ADAMTS12: variants seen among roughly 807,000 people sequenced by gnomAD.
ADAMTS12 encodes A disintegrin and metalloproteinase with thrombospondin motifs 12.
A neutral mutation model predicts 167.8 loss-of-function variants in ADAMTS12; 118 were observed. The ratio of observed to expected loss-of-function variants is 0.70; its 90% confidence interval spans 0.61 to 0.82. The LOEUF (loss-of-function observed/expected upper bound fraction) is 0.82, where lower values mean the gene tolerates loss of function less well. Ranked by LOEUF, ADAMTS12 falls within the 40% of genes least tolerant of loss-of-function variation. The pLI is 0.00. For missense variants in ADAMTS12, 1,916 were observed against 1,998.8 expected (o/e 0.96, Z 0.79); for synonymous variants, 704 against 716.9 (o/e 0.98, Z 0.29).
intron 23 of ADAMTS12, among the ~76,000 whole-genome samples, chr5:33,528,471 G>A (rs1743927367): frequency 6.6e-6 from 1 of 152,250 alleles, no homozygotes; most frequent in African/African-American, 2.4e-5. Context: ...AAACCCGAGT[G>A]TCGGGGTGCT....
At chr5:33,599,550 C>A (rs904977175) in intron 16 of ADAMTS12, among the ~76,000 whole-genome samples, 1 of 152,162 alleles carries the variant, frequency 6.6e-6, no homozygotes, top group Admixed American at 6.5e-5. Flanking sequence ...CCCCTTAATT[C>A]TTTAGGCCTA....
intron 5 of ADAMTS12, among the ~76,000 whole-genome samples, chr5:33,671,674 A>G (rs1181435699): frequency 1.3e-5 from 2 of 152,066 alleles, no homozygotes; most frequent in Admixed American, 6.6e-5. Flanking sequence ...GATGAGTTAC[A>G]GTGGGTAGGA....
intron 21 of ADAMTS12, among the ~76,000 whole-genome samples, chr5:33,546,576 G>A (rs990700936): frequency 1.5e-4 from 23 of 152,164 alleles, no homozygotes; most frequent in African/African-American, 4.8e-4. Context: ...ATTAAAATGA[G>A]ATTTAGTCTT....
Position 33,641,790 on chromosome 5 carries a change from A to G in ADAMTS12, c.1718+20T>C, listed in dbSNP as rs1740455917. 1 of 1,578,256 alleles carries G rather than the reference A, an allele frequency of 6.3e-7. No individual in the cohort carries two copies. Among genetic ancestry groups the G allele is most frequent in the Admixed American group, 1.7e-5 (1 of 58,172 alleles). The stretch of plus-strand genomic sequence containing the variant: ...CCCAGCACATGTGGAGAGAAGGGAA[A>G]TATATTTATCTGGACTCACTCGGGG... On this transcript the variant is annotated intron_variant, in intron 11 of 23. Transcript: ENST00000504830.
intron 2 of ADAMTS12, among the ~76,000 whole-genome samples, chr5:33,778,189 C>T (rs193286359): frequency 8.7e-4 from 133 of 152,134 alleles, no homozygotes; most frequent in African/African-American, 3.0e-3. Context: ...TCATATAGAA[C>T]CTCAGAAGAC....
intron 3 of ADAMTS12, among the ~76,000 whole-genome samples, chr5:33,695,864 T>A (rs4866373): frequency 6.6e-6 from 1 of 152,014 alleles, no homozygotes; most frequent in African/African-American, 2.4e-5. Flanking sequence ...GGTAAATTTT[T>A]TGTTATGTAT....
intron 5 of ADAMTS12, among the ~76,000 whole-genome samples, chr5:33,673,066 C>G (rs1015660042): frequency 6.8e-6 from 1 of 147,738 alleles, no homozygotes; most frequent in Non-Finnish European, 1.5e-5. Flanking sequence ...TTCTACTCCT[C>G]AACCTCACAA....
chr5:33,562,788 C>A (rs1001529060), intron 19 of ADAMTS12, among the ~76,000 whole-genome samples: 7 of 152,136 alleles, frequency 4.6e-5, no homozygotes, highest in African/African-American at 1.7e-4. Context: ...TGTGCCACCA[C>A]ACCTAGCTAA....
chr5:33,891,579 C>G, intron 1 of ADAMTS12, 151 bp downstream of exon 1: 1 of 1,146,196 alleles, frequency 8.7e-7, no homozygotes, highest in Non-Finnish European at 1.2e-6. Flanking sequence ...AGCCTAGGCT[C>G]CTGAGGTCCC....
At chr5:33,528,907 T>TG (rs900021765) in intron 23 of ADAMTS12, among the ~76,000 whole-genome samples, 1 of 152,030 alleles carries the variant, frequency 6.6e-6, no homozygotes, top group African/African-American at 2.4e-5. Flanking sequence ...TAGCTGGGCG[T>TG]GGTGGTGGGC....
At chr5:33,569,131 C>A (rs1179520399) in intron 19 of ADAMTS12, among the ~76,000 whole-genome samples, 1 of 152,264 alleles carries the variant, frequency 6.6e-6, no homozygotes, top group Admixed American at 6.5e-5. Flanking sequence ...CTCAAGGAGG[C>A]CTGCCTGCCT....
intron 2 of ADAMTS12, among the ~76,000 whole-genome samples, chr5:33,815,032 C>T (rs1747595210): frequency 6.6e-6 from 1 of 152,102 alleles, no homozygotes; most frequent in Non-Finnish European, 1.5e-5. Flanking sequence ...AGGTGCTGGG[C>T]TTGTCAAGGA....
chr5:33,588,522 G>C (rs1480764900), intron 18 of ADAMTS12, 77 bp downstream of exon 18: 1 of 1,558,090 alleles, frequency 6.4e-7, no homozygotes, highest in African/African-American at 1.4e-5. Context: ...GGTCACTTTG[G>C]ATTGGATAAT....
chr5:33,714,494 G>T (rs527604251), intron 3 of ADAMTS12, among the ~76,000 whole-genome samples: 1 of 151,992 alleles, frequency 6.6e-6, no homozygotes, highest in Non-Finnish European at 1.5e-5. Context: ...AGGGATGCCT[G>T]CACCCCATGT....
intron 1 of ADAMTS12, among the ~76,000 whole-genome samples, chr5:33,885,526 A>G (rs967720193): frequency 2.6e-5 from 4 of 152,244 alleles, no homozygotes; most frequent in Admixed American, 6.5e-5. Context: ...GCTTTTCCCA[A>G]TTAAAAATAA....
intron 16 of ADAMTS12, among the ~76,000 whole-genome samples, chr5:33,613,331 G>A (rs145263493): frequency 2.6e-5 from 4 of 152,308 alleles, no homozygotes; most frequent in African/African-American, 9.6e-5. Flanking sequence ...AGCAGGCCCT[G>A]ACCCCTGCCT....
At chr5:33,848,980 A>T (rs559985679) in intron 2 of ADAMTS12, among the ~76,000 whole-genome samples, 1 of 149,616 alleles carries the variant, frequency 6.7e-6, no homozygotes, top group African/African-American at 2.5e-5. Context: ...ATTGCATAGC[A>T]ATATATATAT....
chr5:33,785,296 C>T (rs181791446), intron 2 of ADAMTS12, among the ~76,000 whole-genome samples: 1 of 150,156 alleles, frequency 6.7e-6, no homozygotes, highest in Admixed American at 6.6e-5. Flanking sequence ...AAAAGCACAG[C>T]TTGTAAAAAA....
At chr5:33,739,307 T>TAC (rs370000785) in intron 3 of ADAMTS12, among the ~76,000 whole-genome samples, 5,036 of 151,048 alleles carry the variant, frequency 0.033, 263 homozygotes, top group African/African-American at 0.11. Flanking sequence ...ACATTCTCCA[T>TAC]ACACACACAC....
Sources: gnomAD v4.1 joint callset for allele counts (sites outside exome capture counted in the v4.1 genomes callset) on GRCh38, gnomAD v4.1.1 for gene constraint, MANE v1.5 for transcripts, NCBI Gene and HGNC (gene_info 2026-07-23, HGNC 2026-07-21) for gene names.